The following WSCD2 variants were observed in gnomAD, a reference collection of about 807,000 sequenced individuals.
WSCD2 encodes sialate:O-sulfotransferase 2.
Under a neutral mutation model 55.7 loss-of-function variants are expected in WSCD2, and 28 were observed. That is an observed-to-expected ratio of 0.50 (90% CI 0.37 to 0.69). The LOEUF is 0.69. Ranked by LOEUF, WSCD2 falls within the 30% of genes least tolerant of loss-of-function variation. WSCD2 has a pLI of 0.00. For synonymous variants in WSCD2, 301 were observed against 301.9 expected (o/e 1.00, Z 0.03); for missense variants, 616 against 762.1 (o/e 0.81, Z 2.26).
intron 4 of WSCD2, among the ~76,000 whole-genome samples, chr12:108,221,446 C>T (rs1299803780): frequency 1.3e-5 from 2 of 152,122 alleles, no homozygotes; most frequent in Admixed American, 6.5e-5. Flanking sequence ...ATCCCAGGTA[C>T]TCAGGAGGAT....
intron 4 of WSCD2, among the ~76,000 whole-genome samples, chr12:108,222,188 T>TA (rs1887603903): frequency 6.6e-6 from 1 of 152,214 alleles, no homozygotes; most frequent in Non-Finnish European, 1.5e-5. Flanking sequence ...ATGTGTATGC[T>TA]AAAAAACGCT....
chr12:108,206,199 C>A, intron 2 of WSCD2, 90 bp from the exon 3 acceptor site: 3 of 1,052,806 alleles, frequency 2.8e-6, no homozygotes, highest in Non-Finnish European at 4.4e-6. Context: ...TCAACAAGGT[C>A]ACATAACCAG....
intron 1 of WSCD2, among the ~76,000 whole-genome samples, chr12:108,189,021 C>T (rs936223966): frequency 3.3e-5 from 5 of 152,104 alleles, no homozygotes; most frequent in African/African-American, 7.2e-5. Context: ...GATTTACATA[C>T]AGGATGTTTA....
At chr12:108,228,852 C>G (rs1888420219) in intron 6 of WSCD2, among the ~76,000 whole-genome samples, 1 of 152,126 alleles carries the variant, frequency 6.6e-6, no homozygotes, top group Non-Finnish European at 1.5e-5. Context: ...GCTCTTGGAC[C>G]TATTTACAGT....
intron 4 of WSCD2, among the ~76,000 whole-genome samples, chr12:108,211,296 T>C (rs13378040): frequency 2.7e-4 from 41 of 152,354 alleles, no homozygotes; most frequent in African/African-American, 9.6e-4. Flanking sequence ...AATCCACAGC[T>C]GCTTCTCTAG....
intron 1 of WSCD2, among the ~76,000 whole-genome samples, chr12:108,180,659 T>A (rs1881600478): frequency 6.6e-6 from 1 of 152,164 alleles, no homozygotes; most frequent in Admixed American, 6.5e-5. Flanking sequence ...GGCCACACAG[T>A]CATTAGAATG....
chr12:108,140,401 C>T (rs991308913), intron 1 of WSCD2, among the ~76,000 whole-genome samples: 7 of 152,160 alleles, frequency 4.6e-5, no homozygotes, highest in Non-Finnish European at 1.0e-4. Context: ...TGGTGAGGCA[C>T]CTCCTTACTG....
chr12:108,146,448 C>T (rs1295582616), intron 1 of WSCD2, among the ~76,000 whole-genome samples: 2 of 152,354 alleles, frequency 1.3e-5, no homozygotes, highest in East Asian at 3.9e-4. Context: ...CAGTTAGCCC[C>T]TTTTCTCAGA....
chr12:108,249,059 A>C lies in WSCD2; in HGVS notation c.*716A>C, dbSNP rs182241252. 2.3e-4 allele frequency: 82 copies of C among 361,410 alleles called. No homozygotes were observed. Among genetic ancestry groups the C allele is most frequent in the African/African-American group, 1.7e-3 (75 of 45,244 alleles). The allele number at this position is 361,410 out of a possible 1,614,324, so 22.4% of individuals were successfully genotyped here. ...CAGGGCATGAACCCTGCCCCTTTCT[A>C]TCCATGCTGTGTCCAGGAGGTGACC... On this transcript the variant is annotated 3_prime_UTR_variant, in exon 9 of 9. Coordinates refer to ENST00000547525, the MANE Select transcript of WSCD2 (RefSeq NM_014653.4).
intron 1 of WSCD2, among the ~76,000 whole-genome samples, chr12:108,164,083 A>G (rs1422641006): frequency 7.3e-6 from 1 of 137,128 alleles, no homozygotes; most frequent in Non-Finnish European, 1.5e-5. Flanking sequence ...AGTGGTTGGC[A>G]TTACCACTAG....
At chr12:108,141,460 G>T (rs1473484595) in intron 1 of WSCD2, among the ~76,000 whole-genome samples, 1 of 152,116 alleles carries the variant, frequency 6.6e-6, no homozygotes, top group East Asian at 1.9e-4. Context: ...AAATGGGTCA[G>T]CAGGGCTGGG....
intron 1 of WSCD2, among the ~76,000 whole-genome samples, chr12:108,138,410 A>G (rs1019492543): frequency 2.0e-5 from 3 of 152,200 alleles, no homozygotes; most frequent in African/African-American, 7.2e-5. Flanking sequence ...GAACAGGTTC[A>G]CTTCCGATCC....
intron 4 of WSCD2, among the ~76,000 whole-genome samples, chr12:108,212,627 A>C (rs1382740293): frequency 6.7e-6 from 1 of 149,736 alleles, no homozygotes. Flanking sequence ...ACACACACAC[A>C]CACACACATT....
Position 108,249,499 on chromosome 12 carries a change from A to G in WSCD2, c.*1156A>G, listed in dbSNP as rs921572668. On this transcript the variant is annotated 3_prime_UTR_variant, in exon 9 of 9. Coordinates refer to ENST00000547525, the MANE Select transcript of WSCD2 (RefSeq NM_014653.4). The stretch of plus-strand genomic sequence containing the variant: ...CTGAGGACCTAAATCACGGAGCATC[A>G]ATCTTACAAAGTGTTGGTCCAGAGT... The G allele has an allele frequency of 2.0e-5, 3 of 152,550 alleles. No individual in the cohort carries two copies. The highest frequency in any genetic ancestry group is 4.4e-5 in the Non-Finnish European group (3 of 68,032). The allele number at this position is 152,550 out of a possible 1,614,324, so 9.4% of individuals were successfully genotyped here. A position where few individuals can be genotyped will look rare whatever the true frequency, so the allele number is the denominator to read the frequency against.
chr12:108,207,026 C>G (rs1312669390), intron 3 of WSCD2, among the ~76,000 whole-genome samples: 1 of 152,160 alleles, frequency 6.6e-6, no homozygotes, highest in Non-Finnish European at 1.5e-5. Context: ...CTTGCCTGTT[C>G]AGACAGTGTT....
At chr12:108,209,899 C>T (rs945257566) in intron 3 of WSCD2, among the ~76,000 whole-genome samples, 7 of 152,168 alleles carry the variant, frequency 4.6e-5, no homozygotes, top group African/African-American at 1.7e-4. Context: ...CGAAGGCCCC[C>T]ATCTCCCAGG....
intron 4 of WSCD2, among the ~76,000 whole-genome samples, chr12:108,217,764 C>T (rs372174180): frequency 6.6e-6 from 1 of 152,206 alleles, no homozygotes; most frequent in Non-Finnish European, 1.5e-5. Context: ...ACATCTTGCC[C>T]AAAGAGGTGC....
rs142650787 is a variant in WSCD2 at position 108,167,245 on chromosome 12, C to T, written c.-551-28037C>T. Among the ~76,000 whole-genome samples, 21 of 152,234 alleles carry T rather than the reference C, an allele frequency of 1.4e-4. No homozygotes were observed. In the East Asian group the frequency reaches 3.9e-3, roughly 28 times the overall value. Reference sequence around the variant, plus strand: ...GAGATGAAGCACAAAATACAATAACCAAGTATTTAATAGACAAAAATCATT... The same window carrying T: ...GAGATGAAGCACAAAATACAATAACTAAGTATTTAATAGACAAAAATCATT... On this transcript the variant is annotated intron_variant, in intron 1 of 8. Coordinates refer to ENST00000547525, the MANE Select transcript of WSCD2 (RefSeq NM_014653.4).
chr12:108,177,045 T>C lies in WSCD2; in HGVS notation c.-551-18237T>C, dbSNP rs564253876. ...AGGAGGCAGCTGATGTCAGTAGTTA[T>C]AAGCACGAGTTCTGCAAGCCATCCC... On this transcript the variant is annotated intron_variant, in intron 1 of 8. Transcript: ENST00000547525. 3.0e-3 allele frequency among the ~76,000 whole-genome samples: 453 copies of C among 152,250 alleles called. 2 individuals are homozygous for C. Among genetic ancestry groups the C allele is most frequent in the Middle Eastern group, 0.01 (3 of 294 alleles).
Sources: allele counts gnomAD v4.1 joint callset (sites outside exome capture counted in the v4.1 genomes callset), GRCh38; gene constraint gnomAD v4.1.1; transcripts MANE v1.5; gene names NCBI Gene and HGNC (gene_info 2026-07-23, HGNC 2026-07-21).